Variants in CALCRL observed in about 807,000 individuals in gnomAD.
CALCRL encodes the protein calcitonin gene-related peptide type 1 receptor.
Under a neutral mutation model 60.4 loss-of-function variants are expected in CALCRL, and 27 were observed. The ratio of observed to expected loss-of-function variants is 0.45; its 90% confidence interval spans 0.33 to 0.62. CALCRL has a LOEUF of 0.62. Among genes scored for constraint, CALCRL ranks in the 20% least tolerant of loss-of-function variants. The probability of loss-of-function intolerance (pLI) is 0.03; values close to 1 mark genes in which losing one functional copy is unlikely to be tolerated. For synonymous variants in CALCRL, 190 were observed against 182.6 expected (o/e 1.04, Z -0.33); for missense variants, 424 against 540.7 (o/e 0.78, Z 2.14).
chr2:187,393,100 G>A (rs115184850), intron 1 of CALCRL, among the ~76,000 whole-genome samples: 3,981 of 152,194 alleles, frequency 0.026, 74 homozygotes, highest in Middle Eastern at 0.037. Context: ...GAGTGAGCAG[G>A]TGCCAAATCA....
intron 8 of CALCRL, 94 bp from the exon 9 acceptor site, chr2:187,363,596 G>T (rs1182552165): frequency 4.8e-6 from 6 of 1,245,548 alleles, no homozygotes; most frequent in Non-Finnish European, 6.5e-6. Context: ...CATAGCAGCT[G>T]ATCCACTTTT....
intron 8 of CALCRL, among the ~76,000 whole-genome samples, chr2:187,373,890 G>C (rs1053982462): frequency 6.6e-6 from 1 of 152,226 alleles, no homozygotes; most frequent in Non-Finnish European, 1.5e-5. Flanking sequence ...GCTGGGCACA[G>C]TGGCTCATGC....
In CALCRL at chr2:187,396,022, T is replaced by TC. The variant is rs1559059896; in HGVS notation, c.-292-8267_-292-8266insG. On this transcript the variant is annotated intron_variant, in intron 1 of 14. Transcript: ENST00000392370. Reference sequence around the variant, plus strand: ...AAAACCAAATCTCTCCTGACACTGTTTGTTGTTGTTGTTGTTGTTGTTGTT... The same window carrying TC: ...AAAACCAAATCTCTCCTGACACTGTTCTGTTGTTGTTGTTGTTGTTGTTGTT... Among the ~76,000 whole-genome samples, 2 of 43,546 alleles carry TC rather than the reference T, an allele frequency of 4.6e-5. 1 individual carries two copies. Among genetic ancestry groups the TC allele is most frequent in the South Asian group, 1.5e-3 (2 of 1,338 alleles). The allele number at this position is 43,546 out of a possible 152,430, so 28.6% of individuals were successfully genotyped here.
intron 8 of CALCRL, among the ~76,000 whole-genome samples, chr2:187,377,879 T>G (rs2105773718): frequency 6.6e-6 from 1 of 152,212 alleles, no homozygotes; most frequent in Non-Finnish European, 1.5e-5. Flanking sequence ...TAATTAAAAC[T>G]GTAGAAACAA....
chr2:187,368,775 C>G lies in CALCRL; in HGVS notation c.501-5273G>C, dbSNP rs535809655. Among the ~76,000 whole-genome samples, 3 of 152,146 alleles carry G rather than the reference C, an allele frequency of 2.0e-5. No homozygotes were observed. The East Asian group carries it at 5.8e-4, about 29-fold the overall frequency. ...ATTCTAGCTTATCTAATTTAATTTCCAAATTCTCAGATCTTTTCCCCCAAA... is the reference window on the plus strand; with the variant it reads ...ATTCTAGCTTATCTAATTTAATTTCGAAATTCTCAGATCTTTTCCCCCAAA... On this transcript the variant is annotated intron_variant, in intron 8 of 14. Transcript: ENST00000392370.
At chr2:187,416,599 G>A (rs1056344609) in intron 1 of CALCRL, among the ~76,000 whole-genome samples, 14 of 152,126 alleles carry the variant, frequency 9.2e-5, no homozygotes, top group African/African-American at 3.4e-4. Flanking sequence ...GTGAATGCGG[G>A]ATGGTCTAAA....
In CALCRL at chr2:187,417,976, AT is replaced by A. The variant is rs534813320; in HGVS notation, c.-293+30062del. ...TTACTTCTTCATCAATATCGCCTACATTTTCATTATTTAACATCTTTGCCCA... is the reference window on the plus strand; with the variant it reads ...TTACTTCTTCATCAATATCGCCTACATTTCATTATTTAACATCTTTGCCCA... On this transcript the variant is annotated intron_variant, in intron 1 of 14. Transcript: ENST00000392370. Among the ~76,000 whole-genome samples, 8 of 152,240 alleles carry A rather than the reference AT, an allele frequency of 5.3e-5. No homozygotes were observed. In the East Asian group the frequency reaches 1.2e-3, roughly 22 times the overall value.
chr2:187,446,218 C>G (rs890041192), intron 1 of CALCRL, among the ~76,000 whole-genome samples: 1 of 151,588 alleles, frequency 6.6e-6, no homozygotes, highest in Non-Finnish European at 1.5e-5. Context: ...AAAGTAAATT[C>G]ATTTCTTTAT....
At chr2:187,409,496 C>A (rs548056457) in intron 1 of CALCRL, among the ~76,000 whole-genome samples, 39 of 152,284 alleles carry the variant, frequency 2.6e-4, no homozygotes, top group African/African-American at 8.7e-4. Flanking sequence ...CAAAGCATAA[C>A]CTGCAGTGAA....
chr2:187,444,232 CT>C (rs1691060643), intron 1 of CALCRL, among the ~76,000 whole-genome samples: 1 of 151,458 alleles, frequency 6.6e-6, no homozygotes, highest in African/African-American at 2.4e-5. Context: ...CATATTAACA[CT>C]TTTTAATTCA....
At chr2:187,353,907 G>T (rs189924148) in intron 12 of CALCRL, among the ~76,000 whole-genome samples, 12 of 151,882 alleles carry the variant, frequency 7.9e-5, no homozygotes, top group Admixed American at 4.6e-4. Flanking sequence ...TCTCCACATG[G>T]GAAGTCTGAT....
At chr2:187,416,182 TAAATC>T (rs1228142151) in intron 1 of CALCRL, among the ~76,000 whole-genome samples, 14 of 152,352 alleles carry the variant, frequency 9.2e-5, no homozygotes, top group African/African-American at 2.6e-4. Flanking sequence ...AATCTATAGA[TAAATC>T]AAAACCTTAT....
intron 3 of CALCRL, among the ~76,000 whole-genome samples, chr2:187,386,133 A>AGATAGATAGAT (rs1553509539): frequency 2.1e-4 from 32 of 151,616 alleles, no homozygotes; most frequent in Admixed American, 1.3e-3. Context: ...AACTTCTTAT[A>AGATAGATAGAT]GATAGATAGA....
intron 9 of CALCRL, 56 bp from the exon 10 acceptor site, chr2:187,360,807 C>CA (rs1481155235): frequency 3.6e-5 from 54 of 1,499,680 alleles, no homozygotes; most frequent in Non-Finnish European, 4.7e-5. Flanking sequence ...ACATGTAAAG[C>CA]AATACTCTAG....
chr2:187,347,095 ACTTC>A (rs1417814523), intron 14 of CALCRL, among the ~76,000 whole-genome samples: 1 of 151,786 alleles, frequency 6.6e-6, no homozygotes, highest in African/African-American at 2.4e-5. Context: ...CAGTTTAATG[ACTTC>A]CTTCCCCTCT....
At chr2:187,442,492 T>G (rs115779782) in intron 1 of CALCRL, among the ~76,000 whole-genome samples, 1,738 of 151,936 alleles carry the variant, frequency 0.011, 38 homozygotes, top group African/African-American at 0.04. Context: ...CCTAAATTTT[T>G]TTTGCCATCC....
chr2:187,421,129 A>T (rs1292203067), intron 1 of CALCRL, among the ~76,000 whole-genome samples: 1 of 152,212 alleles, frequency 6.6e-6, no homozygotes, highest in Admixed American at 6.5e-5. Flanking sequence ...AAAATATCAC[A>T]TATCTTCTTA....
intron 8 of CALCRL, among the ~76,000 whole-genome samples, chr2:187,375,453 A>AT (rs771913733): frequency 6.2e-4 from 95 of 152,132 alleles, no homozygotes; most frequent in Non-Finnish European, 9.6e-4. Context: ...TGAAAAACAT[A>AT]TTTTTTCTTT....
chr2:187,405,861 A>ATAAC (rs1403055894), intron 1 of CALCRL, among the ~76,000 whole-genome samples: 1 of 152,004 alleles, frequency 6.6e-6, no homozygotes, highest in Non-Finnish European at 1.5e-5. Context: ...TTAGTATGCA[A>ATAAC]TAACTAGGGA....
Sources: allele counts gnomAD v4.1 joint callset (sites outside exome capture counted in the v4.1 genomes callset), GRCh38; gene constraint gnomAD v4.1.1; transcripts MANE v1.5; gene names NCBI Gene and HGNC (gene_info 2026-07-23, HGNC 2026-07-21).